IER3IP1: variants seen among roughly 807,000 people sequenced by gnomAD.
The protein encoded by IER3IP1 is immediate early response 3-interacting protein 1.
A neutral mutation model predicts 12.2 loss-of-function variants in IER3IP1; 16 were observed. The ratio of observed to expected loss-of-function variants is 1.31; its 90% CI spans 0.89 to 1.99. The LOEUF (loss-of-function observed/expected upper bound fraction) is 1.99, where lower values mean the gene tolerates loss of function less well. Among genes scored for constraint, IER3IP1 ranks in the 30% most tolerant of loss-of-function variants. The probability of loss-of-function intolerance (pLI) is 0.00; values close to 1 mark genes in which losing one functional copy is unlikely to be tolerated. For missense variants in IER3IP1, 95 were observed against 95.8 expected, an observed-to-expected ratio of 0.99 and a Z score of 0.03; for synonymous variants, 42 against 40.0, an observed-to-expected ratio of 1.05 and a Z score of -0.19.
At position 47,172,972 on chromosome 18, in the gene IER3IP1, A is replaced by G. The variant is rs2064019880; in HGVS notation, c.91+3215T>C. The stretch of plus-strand genomic sequence containing the variant: ...GATTCTAGGGCTGTCTGGGGCACCA[A>G]TTCTTTTTGTACTCTACTGTTTTCT... On this transcript the variant is annotated intron_variant, in intron 1 of 2. Coordinates refer to ENST00000256433, the MANE Select transcript of IER3IP1 (RefSeq NM_016097.5). The surrounding 1 kb of genome is among the most constrained non-coding windows in gnomAD (Gnocchi z 4.0). Among the ~76,000 whole-genome samples, 1 of 152,164 alleles carries G rather than the reference A, an allele frequency of 6.6e-6. No individual in the cohort carries two copies. The highest frequency in any genetic ancestry group is 1.5e-5 in the Non-Finnish European group (1 of 68,024).
At chr18:47,173,081 T>G (rs1235508969) in intron 1 of IER3IP1, among the ~76,000 whole-genome samples, 1 of 152,242 alleles carries the variant, frequency 6.6e-6, no homozygotes, top group Non-Finnish European at 1.5e-5. Flanking sequence ...TAATTCGTGC[T>G]GCTGTTCTAT....
Position 47,176,167 on chromosome 18 carries a change from CGCCCCGCGGTCCCA to C in IER3IP1, c.91+6_91+19del. On this transcript the variant is annotated splice_donor_region_variant and intron_variant, in intron 1 of 2. Coordinates refer to ENST00000256433, the MANE Select transcript of IER3IP1 (RefSeq NM_016097.5). Reference sequence around the variant, plus strand: ...GGGACTCCGCCGCCGCCCCAGCCCGCGCCCCGCGGTCCCACTCACTGTTCTTGAGGAATCGCTCC... The same window carrying C: ...GGGACTCCGCCGCCGCCCCAGCCCGCCTCACTGTTCTTGAGGAATCGCTCC... The C allele has an allele frequency of 6.4e-7, 1 of 1,571,634 alleles. No homozygotes were observed. Among genetic ancestry groups the C allele is most frequent in the Non-Finnish European group, 8.6e-7 (1 of 1,158,270 alleles).
At chr18:47,161,769 AT>A (rs1157650645) in intron 1 of IER3IP1, among the ~76,000 whole-genome samples, 4 of 151,910 alleles carry the variant, frequency 2.6e-5, no homozygotes, top group Admixed American at 1.3e-4. Context: ...CTTTATTTCT[AT>A]TATTATTACA....
rs1368163246 is a variant in IER3IP1, at chr18:47,168,150, AAAAAAT to A, written c.91+8031_91+8036del. On this transcript the variant is annotated intron_variant, in intron 1 of 2. Coordinates refer to ENST00000256433, the MANE Select transcript of IER3IP1 (RefSeq NM_016097.5). ...CAAAAAAAAAAAAAAAAAAAAAAAA[AAAAAAT>A]TTTAGCTAGGTGGTGGTGGGTTCCT... 1.5e-4 allele frequency among the ~76,000 whole-genome samples: 22 copies of A among 143,766 alleles called. 2 individuals are homozygous for A. Among genetic ancestry groups the A allele is most frequent in the African/African-American group, 5.6e-4 (21 of 37,796 alleles). 94.3% of individuals were successfully genotyped at this position (143,766 alleles called of 152,430 possible). A position where few individuals can be genotyped will look rare whatever the true frequency, so the allele number is the denominator to read the frequency against.
chr18:47,176,288 G>C lies in IER3IP1; in HGVS notation c.-11C>G, dbSNP rs761147400. The C allele has an allele frequency of 3.7e-5, 59 of 1,598,842 alleles. No homozygotes were observed. The highest frequency in any genetic ancestry group is 4.9e-5 in the Non-Finnish European group (57 of 1,172,680). On this transcript the variant is annotated 5_prime_UTR_variant, in exon 1 of 3. Transcript: ENST00000256433. ...CAGGGTAAAGGCCATGGCCGTCCGA[G>C]GCCGCCCCGAAGTCCAAGCGATTTC...
At chr18:47,158,599 C>G (rs1428118919) in intron 1 of IER3IP1, among the ~76,000 whole-genome samples, 1 of 151,756 alleles carries the variant, frequency 6.6e-6, no homozygotes, top group African/African-American at 2.4e-5. Context: ...ACTTTGGCCT[C>G]CCGGATTACA....
At chr18:47,168,308 AAAAAAAAAAAGAC>A (rs1040165858) in intron 1 of IER3IP1, among the ~76,000 whole-genome samples, 2 of 150,578 alleles carry the variant, frequency 1.3e-5, no homozygotes, top group African/African-American at 4.9e-5. Context: ...TCACAAAAAA[AAAAAAAAAAAGAC>A]AAAAAAAATC....
In IER3IP1 at chr18:47,162,734, C is replaced by T. The variant is rs190438404; in HGVS notation, c.92-5197G>A. ...AATAATAAGTGAAAAGATCCCCAAA[C>T]GAAGGACATGAGCCTTTTTAGCCAA... On this transcript the variant is annotated intron_variant, in intron 1 of 2. Coordinates refer to ENST00000256433, the MANE Select transcript of IER3IP1 (RefSeq NM_016097.5). Among the ~76,000 whole-genome samples the T allele has an allele frequency of 1.0e-3, 152 of 151,982 alleles. 1 individual carries two copies. In the East Asian group the frequency reaches 0.026, roughly 26 times the overall value.
At chr18:47,168,845 G>C (rs1209009058) in intron 1 of IER3IP1, among the ~76,000 whole-genome samples, 1 of 152,176 alleles carries the variant, frequency 6.6e-6, no homozygotes, top group African/African-American at 2.4e-5. Flanking sequence ...CATCAGCAGA[G>C]TATGAGTTCA....
chr18:47,158,542 A>G (rs916874332), intron 1 of IER3IP1, among the ~76,000 whole-genome samples: 2 of 150,046 alleles, frequency 1.3e-5, no homozygotes, highest in East Asian at 4.2e-4. Flanking sequence ...GGGTTTCGTC[A>G]TGTTACCCAG....
In IER3IP1 at chr18:47,176,207, T is replaced by G. The variant is rs1011485628; in HGVS notation, c.71A>C (p.Glu24Ala). 9.4e-6 allele frequency: 15 copies of G among 1,603,446 alleles called. No individual in the cohort carries two copies. The highest frequency in any genetic ancestry group is 1.3e-5 in the Non-Finnish European group (15 of 1,175,418). The change falls in exon 1 of 3, where the codon GAG becomes GCG. Residue 24 changes from glutamate (E) to alanine (A), a missense_variant. By Grantham distance (107) the Glu-to-Ala change is moderately radical. Coordinates refer to ENST00000256433, the MANE Select transcript of IER3IP1 (RefSeq NM_016097.5). Reference sequence around the variant, plus strand: ...CTCACTGTTCTTGAGGAATCGCTCCTCGTGCAGCACTGCGATGGCGTTGAC... The same window carrying G: ...CTCACTGTTCTTGAGGAATCGCTCCGCGTGCAGCACTGCGATGGCGTTGAC... ...LCVNAIAVLH[E>A]ERFLKNIGWG...
chr18:47,155,200 C>T lies in IER3IP1; in HGVS notation c.*977G>A, dbSNP rs1194101876. On this transcript the variant is annotated 3_prime_UTR_variant, in exon 3 of 3. Coordinates refer to ENST00000256433, the MANE Select transcript of IER3IP1 (RefSeq NM_016097.5). ...GTATTATGAGATAGGCAAACAATCT[C>T]ACAAGATGGTCTGAGACATAAAAAC... 6.6e-6 allele frequency: 1 copy of T among 152,172 alleles called. No homozygotes were observed. Among genetic ancestry groups the T allele is most frequent in the African/African-American group, 2.4e-5 (1 of 41,460 alleles). 9.4% of individuals were successfully genotyped at this position (152,172 alleles called of 1,614,324 possible).
chr18:47,167,909 A>C (rs2064001191), intron 1 of IER3IP1, among the ~76,000 whole-genome samples: 1 of 151,942 alleles, frequency 6.6e-6, no homozygotes. Flanking sequence ...GGATCACCTG[A>C]GGTCAGGAGT....
intron 1 of IER3IP1, among the ~76,000 whole-genome samples, chr18:47,164,069 T>A (rs1300976638): frequency 6.6e-6 from 1 of 152,192 alleles, no homozygotes; most frequent in African/African-American, 2.4e-5. Flanking sequence ...TCTTTTTTTC[T>A]TTTAGATCTG....
chr18:47,169,338 G>A (rs983248465), intron 1 of IER3IP1, among the ~76,000 whole-genome samples: 1 of 152,104 alleles, frequency 6.6e-6, no homozygotes, highest in Non-Finnish European at 1.5e-5. Flanking sequence ...ATCAGCTGAT[G>A]GACATCTGGG....
rs909333862 is a variant in IER3IP1 at position 47,156,093 on chromosome 18, AAGATAT to A, written c.*78_*83del. On this transcript the variant is annotated 3_prime_UTR_variant, in exon 3 of 3. Coordinates refer to ENST00000256433, the MANE Select transcript of IER3IP1 (RefSeq NM_016097.5). Reference sequence around the variant, plus strand: ...TTGACAAGTGCAAGGTCAGCCAGCTAAGATATAAATATTCCAATAATGACCAAAGTA... The same window carrying A: ...TTGACAAGTGCAAGGTCAGCCAGCTAAAATATTCCAATAATGACCAAAGTA... 99 of 869,812 alleles carry A rather than the reference AAGATAT, an allele frequency of 1.1e-4. No individual in the cohort carries two copies. Among genetic ancestry groups the A allele is most frequent in the Non-Finnish European group, 1.8e-4 (93 of 516,072 alleles). The allele number at this position is 869,812 out of a possible 1,614,324, so 53.9% of individuals were successfully genotyped here.
At chr18:47,175,079 A>G (rs1341099730) in intron 1 of IER3IP1, among the ~76,000 whole-genome samples, 1 of 152,230 alleles carries the variant, frequency 6.6e-6, no homozygotes, top group Admixed American at 6.5e-5. Flanking sequence ...CAGTTACTAT[A>G]AATGGGCCTG....
rs893203054 is a variant in IER3IP1, at chr18:47,169,495, G to A, written c.91+6692C>T. ...TTGAGGAACAGCCAGACTGTTTTCC[G>A]AAGTGGCTGAACCATTTTACATTCT... On this transcript the variant is annotated intron_variant, in intron 1 of 2. Transcript: ENST00000256433. Among the ~76,000 whole-genome samples, 18 of 152,196 alleles carry A rather than the reference G, an allele frequency of 1.2e-4. No homozygotes were observed. The East Asian group carries it at 1.5e-3, about 13-fold the overall frequency.
intron 1 of IER3IP1, among the ~76,000 whole-genome samples, chr18:47,174,144 G>A (rs911278319): frequency 2.6e-5 from 4 of 152,186 alleles, no homozygotes; most frequent in Non-Finnish European, 5.9e-5. Context: ...TTTCTGGATA[G>A]CGGTGAACAG....
Sources: gnomAD v4.1 joint callset for allele counts (sites outside exome capture counted in the v4.1 genomes callset) on GRCh38, gnomAD v4.1.1 for gene constraint, Gnocchi (gnomAD v3.1) non-coding constraint, MANE v1.5 for transcripts, NCBI Gene and HGNC (gene_info 2026-07-23, HGNC 2026-07-21) for gene names.